The following DNAAF8 variants were observed in gnomAD, a reference collection of about 807,000 sequenced individuals.
The protein encoded by DNAAF8 is dynein axonemal assembly factor 8.
In DNAAF8, 61 loss-of-function variants were observed where a neutral mutation model predicts 54.6. The observed-to-expected ratio is 1.12, with a 90% CI of 0.91 to 1.38. DNAAF8 has a LOEUF of 1.38. Ranked by LOEUF, DNAAF8 falls within the 40% of genes most tolerant of loss-of-function variation. The pLI is 0.00. For synonymous variants in DNAAF8, 320 were observed against 270.1 expected, an observed-to-expected ratio of 1.18 and a Z score of -1.81; for missense variants, 837 against 665.0, an observed-to-expected ratio of 1.26 and a Z score of -2.85.
At position 4,744,903 on chromosome 16, in the gene DNAAF8, T is replaced by G; in HGVS notation, c.935T>G (p.Met312Arg). 1.2e-6 allele frequency: 2 copies of G among 1,613,846 alleles called. No homozygotes were observed. The highest frequency in any genetic ancestry group is 1.7e-6 in the Non-Finnish European group (2 of 1,179,986). The change falls in exon 6 of 10, where the codon ATG becomes AGG. Residue 312 changes from methionine to arginine, a missense_variant. Met to Arg is a moderately conservative substitution (Grantham distance 91). Transcript: ENST00000299320. ...GTGCCGAGCGCCCACAACAGGCTCA[T>G]GGAACAGCTGGCCCTCCTGTGCACC... ...RMVPSAHNRL[M>R]EQLALLCTTQ...
In DNAAF8 at chr16:4,740,146, T is replaced by C. The variant is rs748470606; in HGVS notation, c.277-7T>C. On this transcript the variant is annotated splice_region_variant and splice_polypyrimidine_tract_variant and intron_variant, in intron 3 of 9. Transcript: ENST00000299320. ...ATGCTAACTGAACATACCTGTTTTC[T>C]TGACAGCCAGTTCTGGTGCCTGCAG... is the stretch of plus-strand genomic sequence containing the variant. 2 of 1,587,622 alleles carry C rather than the reference T, an allele frequency of 1.3e-6. No individual in the cohort carries two copies. The highest frequency in any genetic ancestry group is 1.7e-6 in the Non-Finnish European group (2 of 1,164,756).
rs772676145 is a variant in DNAAF8, at chr16:4,740,326, C to A, written c.450C>A (p.Asp150Glu). The change falls in exon 4 of 10, where the codon GAC (aspartate) becomes GAA (glutamate). Residue 150 changes from aspartate (D) to glutamate (E), a missense_variant. Asp to Glu is a conservative substitution (Grantham distance 45, BLOSUM62 2). Coordinates refer to ENST00000299320, the MANE Select transcript of DNAAF8 (RefSeq NM_139170.3). ...AGCCCCCCAGGTGGCTGGAAGGCGA[C>A]CTTGGAAGCCTGTCTTTCAACACCA... ...AEEPPRWLEGDLGSLSFNTKG... is the reference protein window; with the variant it reads ...AEEPPRWLEGELGSLSFNTKG... 2 of 1,613,946 alleles carry A rather than the reference C, an allele frequency of 1.2e-6. No homozygotes were observed. Among genetic ancestry groups the A allele is most frequent in the Non-Finnish European group, 1.7e-6 (2 of 1,179,976 alleles).
At position 4,739,265 on chromosome 16, in the gene DNAAF8, G is replaced by GGTTTTTTTTTTTTT. The variant is rs1555482695; in HGVS notation, c.277-888_277-887insGTTTTTTTTTTTTT. ...AAACTCTTCTGGATGATTTTTTCTT[G>GGTTTTTTTTTTTTT]TTTTTTTTTTTTTTTTTTTTTGTAA... On this transcript the variant is annotated intron_variant, in intron 3 of 9. Coordinates refer to ENST00000299320, the MANE Select transcript of DNAAF8 (RefSeq NM_139170.3). 6.8e-4 allele frequency among the ~76,000 whole-genome samples: 47 copies of GGTTTTTTTTTTTTT among 69,034 alleles called. 2 individuals carry two copies. Among genetic ancestry groups the GGTTTTTTTTTTTTT allele is most frequent in the South Asian group, 1.3e-3 (2 of 1,574 alleles). 45.3% of individuals were successfully genotyped at this position (69,034 alleles called of 152,430 possible).
In DNAAF8 at chr16:4,740,569, G is replaced by T. The variant is rs765448870; in HGVS notation, c.693G>T (p.Lys231Asn). The T allele has an allele frequency of 1.2e-6, 2 of 1,613,752 alleles. No individual in the cohort carries two copies. Among genetic ancestry groups the T allele is most frequent in the African/African-American group, 2.7e-5 (2 of 74,936 alleles). The change falls in exon 4 of 10, where the codon AAG becomes AAT. Residue 231 changes from lysine to asparagine, a missense_variant. Coordinates refer to ENST00000299320, the MANE Select transcript of DNAAF8 (RefSeq NM_139170.3). ...GPTSSDKGGV[K>N]EAPCHAAESA... The stretch of plus-strand genomic sequence containing the variant: ...CCAGCAGTGACAAAGGTGGGGTGAA[G>T]GAGGCGCCCTGCCACGCTGCGGAGT...
At chr16:4,739,265 G>GTTTTTTTTTT (rs35113323) in intron 3 of DNAAF8, among the ~76,000 whole-genome samples, 3,330 of 68,666 alleles carry the variant, frequency 0.048, 547 homozygotes, top group East Asian at 0.08. Flanking sequence ...ATTTTTTCTT[G>GTTTTTTTTTT]TTTTTTTTTT....
At chr16:4,747,272 T>A in intron 8 of DNAAF8, 71 bp from the exon 9 acceptor site, 3 of 1,484,536 alleles carry the variant, frequency 2.0e-6, no homozygotes, top group Non-Finnish European at 2.7e-6. Context: ...GCTTTTCTCC[T>A]GTTTCAGTAA....
chr16:4,747,169 C>T, intron 8 of DNAAF8, 144 bp downstream of exon 8: 2 of 1,199,012 alleles, frequency 1.7e-6, no homozygotes, highest in Non-Finnish European at 2.3e-6. Context: ...CAGCTTTCAT[C>T]ATCCTGCCCA....
chr16:4,739,901 T>TA (rs1199301696), intron 3 of DNAAF8, among the ~76,000 whole-genome samples: 1 of 150,794 alleles, frequency 6.6e-6, no homozygotes, highest in Non-Finnish European at 1.5e-5. Flanking sequence ...AAAATAATAT[T>TA]AAAAAAAATT....
At chr16:4,741,261 G>C (rs1385868477) in intron 4 of DNAAF8, among the ~76,000 whole-genome samples, 1 of 143,908 alleles carries the variant, frequency 6.9e-6, no homozygotes, top group East Asian at 2.0e-4. Flanking sequence ...AAGAAAGAAA[G>C]AAACAAAGAA....
chr16:4,739,262 C>CTTTTTTTTTTTTTTTTT (rs1596482355), intron 3 of DNAAF8, among the ~76,000 whole-genome samples: 2 of 36,238 alleles, frequency 5.5e-5, no homozygotes, highest in South Asian at 8.9e-4. Context: ...ATGATTTTTT[C>CTTTTTTTTTTTTTTTTT]TTGTTTTTTT....
chr16:4,745,131 A>C, intron 6 of DNAAF8, 120 bp downstream of exon 6: 3 of 1,318,902 alleles, frequency 2.3e-6, no homozygotes, highest in Non-Finnish European at 3.1e-6. Flanking sequence ...GTCACTCTCA[A>C]GCATCTGATC....
rs1312515866 is a variant in DNAAF8, at chr16:4,736,560, T to G, written c.46T>G (p.Trp16Gly). The change falls in exon 2 of 10, where the codon TGG (tryptophan) becomes GGG (glycine). Residue 16 changes from tryptophan (W) to glycine (G), a missense_variant. Trp to Gly is a radical substitution (Grantham distance 184). Coordinates refer to ENST00000299320, the MANE Select transcript of DNAAF8 (RefSeq NM_139170.3). ...KGMAPSLGSP[W>G]ASQMGPWDAI... ...CATGGCACCCTCGCTGGGCTCTCCC[T>G]GGGCCTCCCAGATGGGGCCCTGGGA... 5 of 1,588,032 alleles carry G rather than the reference T, an allele frequency of 3.1e-6. No homozygotes were observed. Among genetic ancestry groups the G allele is most frequent in the Non-Finnish European group, 4.3e-6 (5 of 1,163,306 alleles).
Sources: allele counts gnomAD v4.1 joint callset (sites outside exome capture counted in the v4.1 genomes callset), GRCh38; gene constraint gnomAD v4.1.1; transcripts MANE v1.5; gene names NCBI Gene and HGNC (gene_info 2026-07-23, HGNC 2026-07-21).